SGK3: variants seen among roughly 807,000 people sequenced by gnomAD.
The protein encoded by SGK3 is serum/glucocorticoid regulated kinase family member 3.
In SGK3, 47 loss-of-function variants were observed where a neutral mutation model predicts 68.5. The ratio of observed to expected loss-of-function variants is 0.69; its 90% CI spans 0.54 to 0.87. The LOEUF (loss-of-function observed/expected upper bound fraction) is 0.87. Ranked by LOEUF, SGK3 falls within the 40% of genes least tolerant of loss-of-function variation. The pLI is 0.00. For synonymous variants in SGK3, 181 were observed against 189.1 expected (o/e 0.96, Z 0.35); for missense variants, 479 against 575.5 (o/e 0.83, Z 1.72).
intron 1 of SGK3, among the ~76,000 whole-genome samples, chr8:66,752,579 A>G (rs1031599005): frequency 4.7e-5 from 7 of 150,534 alleles, no homozygotes; most frequent in African/African-American, 1.7e-4. Context: ...AGTAGGAGTT[A>G]CCCTGTGAAA....
intron 1 of SGK3, among the ~76,000 whole-genome samples, chr8:66,785,959 C>T (rs1162129142): frequency 6.6e-6 from 1 of 152,182 alleles, no homozygotes. Flanking sequence ...TTGAAAAGCT[C>T]TACATATATA....
At chr8:66,756,650 G>A (rs1805987641) in intron 1 of SGK3, among the ~76,000 whole-genome samples, 1 of 132,354 alleles carries the variant, frequency 7.6e-6, no homozygotes, top group African/African-American at 2.9e-5. Flanking sequence ...TGCGAATATA[G>A]CTCACTGCAG....
intron 10 of SGK3, among the ~76,000 whole-genome samples, chr8:66,836,293 A>T (rs1004364346): frequency 1.3e-5 from 2 of 152,218 alleles, no homozygotes; most frequent in Non-Finnish European, 2.9e-5. Flanking sequence ...CTTGATATGA[A>T]GCTGCTGGCT....
chr8:66,732,188 GT>G (rs1805175803), intron 1 of SGK3, among the ~76,000 whole-genome samples: 1 of 152,144 alleles, frequency 6.6e-6, no homozygotes, highest in Non-Finnish European at 1.5e-5. Flanking sequence ...ATTTGCAGTG[GT>G]AGAAAGGCCA....
In SGK3 at chr8:66,840,105, A is replaced by G; in HGVS notation, c.844A>G (p.Ile282Val). The G allele has an allele frequency of 6.2e-7, 1 of 1,613,918 alleles. No homozygotes were observed. Among genetic ancestry groups the G allele is most frequent in the Non-Finnish European group, 8.5e-7 (1 of 1,179,924 alleles). Residue 282 changes from isoleucine (I) to valine (V), a missense_variant, in exon 11 of 17, where the codon ATA becomes GTA. Transcript: ENST00000521198. ...SALGYLHSIKIVYRDLKPENI... is the reference protein window; with the variant it reads ...SALGYLHSIKVVYRDLKPENI... ...ATTGGGTTACTTACATTCCATCAAA[A>G]TAGTATACAGGTACAATTTTAAAAT...
At chr8:66,715,319 G>A (rs189436467) in intron 1 of SGK3, among the ~76,000 whole-genome samples, 75 of 151,608 alleles carry the variant, frequency 4.9e-4, no homozygotes, top group Admixed American at 2.6e-4. Context: ...GTGCAATGGC[G>A]CAGCCTAGGC....
At chr8:66,750,924 T>C (rs1218257082) in intron 1 of SGK3, among the ~76,000 whole-genome samples, 2 of 150,954 alleles carry the variant, frequency 1.3e-5, no homozygotes, top group Non-Finnish European at 3.0e-5. Flanking sequence ...GGAGGATTGC[T>C]TGAGCCCAGG....
chr8:66,745,543 C>T (rs568275512), intron 1 of SGK3, among the ~76,000 whole-genome samples: 1 of 152,104 alleles, frequency 6.6e-6, no homozygotes, highest in South Asian at 2.1e-4. Flanking sequence ...CACTGCACTC[C>T]AGCCTGGGCA....
chr8:66,768,877 G>T (rs1218384796), intron 1 of SGK3, among the ~76,000 whole-genome samples: 1 of 152,048 alleles, frequency 6.6e-6, no homozygotes, highest in East Asian at 1.9e-4. Flanking sequence ...CCAGCCACTT[G>T]TACTATTTCT....
At chr8:66,723,119 ATATATATATATATTTTTTT>A (rs1271595814) in intron 1 of SGK3, among the ~76,000 whole-genome samples, 1 of 50,428 alleles carries the variant, frequency 2.0e-5, no homozygotes, top group African/African-American at 9.2e-5. Flanking sequence ...ATATATATAT[ATATATATATATATTTTTTT>A]TTTTTTTTTT....
intron 2 of SGK3, among the ~76,000 whole-genome samples, chr8:66,794,786 G>A (rs1807607143): frequency 1.3e-5 from 2 of 152,156 alleles, no homozygotes; most frequent in South Asian, 4.1e-4. Flanking sequence ...GAAGCCTCTT[G>A]AGTTCTTGTC....
At chr8:66,746,009 C>A (rs1430796662) in intron 1 of SGK3, among the ~76,000 whole-genome samples, 3 of 152,158 alleles carry the variant, frequency 2.0e-5, no homozygotes, top group Admixed American at 6.5e-5. Flanking sequence ...CAAGCCATAG[C>A]AGATTTATTA....
chr8:66,859,210 G>A (rs928427076), intron 16 of SGK3, among the ~76,000 whole-genome samples: 11 of 152,106 alleles, frequency 7.2e-5, no homozygotes, highest in Admixed American at 5.9e-4. Context: ...GTGGGCGCCT[G>A]TAATCCCAGC....
intron 1 of SGK3, among the ~76,000 whole-genome samples, chr8:66,771,569 G>A (rs572441041): frequency 6.6e-6 from 1 of 152,268 alleles, no homozygotes; most frequent in Admixed American, 6.5e-5. Flanking sequence ...TTTATTTCTA[G>A]AACACTGAAA....
chr8:66,843,541 T>C lies in SGK3; in HGVS notation c.1068T>C (p.Tyr356=). Residue 356 remains tyrosine (Y), a synonymous_variant, in exon 14 of 17, where the codon TAT becomes TAC. Transcript: ENST00000521198. ...GGGCTGTTCTGTATGAAATGCTGTA[T>C]GGATTGGTATGTATTTCTATACCTC... is the stretch of plus-strand genomic sequence containing the variant. The part of the protein sequence containing the change: ...CLGAVLYEML[Y]GLPPFYCRDV... 6.2e-7 allele frequency: 1 copy of C among 1,613,670 alleles called. No individual in the cohort carries two copies.
intron 2 of SGK3, among the ~76,000 whole-genome samples, chr8:66,794,869 T>G (rs1807612931): frequency 6.6e-6 from 1 of 152,198 alleles, no homozygotes; most frequent in Non-Finnish European, 1.5e-5. Context: ...ACTGACCTGG[T>G]AACCTGGGCA....
intron 1 of SGK3, among the ~76,000 whole-genome samples, chr8:66,724,379 C>T (rs1431123578): frequency 6.6e-6 from 1 of 152,208 alleles, no homozygotes; most frequent in Non-Finnish European, 1.5e-5. Flanking sequence ...AGTTTGAGAC[C>T]AGCCTGGCCA....
chr8:66,859,322 A>T, intron 16 of SGK3, 89 bp from the exon 17 acceptor site: 1 of 1,373,278 alleles, frequency 7.3e-7, no homozygotes, highest in Admixed American at 2.4e-5. Flanking sequence ...TGGCAGTGTG[A>T]GACTCTGTCT....
chr8:66,809,633 T>C (rs1435193808), intron 4 of SGK3, among the ~76,000 whole-genome samples: 2 of 152,220 alleles, frequency 1.3e-5, no homozygotes, highest in African/African-American at 2.4e-5. Context: ...AGGATTTATC[T>C]TGCCTTTGTT....
Sources: gnomAD v4.1 joint callset for allele counts (sites outside exome capture counted in the v4.1 genomes callset) on GRCh38, gnomAD v4.1.1 for gene constraint, MANE v1.5 for transcripts, NCBI Gene and HGNC (gene_info 2026-07-23, HGNC 2026-07-21) for gene names.